The following PIK3C2G variants were observed in gnomAD, a reference collection of about 807,000 sequenced individuals.
The protein encoded by PIK3C2G is phosphatidylinositol 3-kinase C2 domain-containing subunit gamma.
A neutral mutation model predicts 181.1 loss-of-function variants in PIK3C2G; 168 were observed. That is an observed-to-expected ratio of 0.93 (90% CI 0.82 to 1.05). The LOEUF (loss-of-function observed/expected upper bound fraction) is 1.05, where lower values mean the gene tolerates loss of function less well. Among genes scored for constraint, PIK3C2G ranks in the 50% least tolerant of loss-of-function variants. The pLI, the probability that PIK3C2G is intolerant of heterozygous loss-of-function variation, is 0.00. For missense variants in PIK3C2G, 1,869 were observed against 1,732.8 expected (o/e 1.08, Z -1.40); for synonymous variants, 573 against 592.2 (o/e 0.97, Z 0.47).
At chr12:18,534,741 A>G (rs562065489) in intron 24 of PIK3C2G, among the ~76,000 whole-genome samples, 1 of 151,900 alleles carries the variant, frequency 6.6e-6, no homozygotes, top group East Asian at 1.9e-4. Flanking sequence ...TTAATTGGAG[A>G]AGACTAATAA....
intron 10 of PIK3C2G, among the ~76,000 whole-genome samples, chr12:18,345,392 A>G (rs1056177725): frequency 5.3e-5 from 8 of 152,204 alleles, no homozygotes; most frequent in Admixed American, 3.9e-4. Flanking sequence ...GCACAATTTA[A>G]GAAATATAAC....
Position 18,420,999 on chromosome 12 carries a change from G to A in PIK3C2G, c.2374G>A (p.Asp792Asn), listed in dbSNP as rs1945452110. 1 of 1,604,846 alleles carries A rather than the reference G, an allele frequency of 6.2e-7. No homozygotes were observed. Among genetic ancestry groups the A allele is most frequent in the Middle Eastern group, 1.7e-4 (1 of 6,040 alleles). The part of the protein sequence containing the change: ...AVQQLDNLLN[D>N]ELLEYLPQLV... ...TCAACAATTAGACAACCTCTTGAAT[G>A]ATGAACTACTGGAATATCTCCCACA... is the stretch of plus-strand genomic sequence containing the variant. Residue 792 changes from aspartate to asparagine, a missense_variant, in exon 17 of 33, where the codon GAT (aspartate) becomes AAT (asparagine). Transcript: ENST00000538779.
intron 31 of PIK3C2G, among the ~76,000 whole-genome samples, chr12:18,625,596 C>T (rs903904071): frequency 2.6e-5 from 4 of 151,744 alleles, no homozygotes; most frequent in Admixed American, 6.6e-5. Context: ...TATGGATGAT[C>T]TGTCCACTAG....
In PIK3C2G at chr12:18,536,597, A is replaced by G. The variant is rs555642407; in HGVS notation, c.3324-1559A>G. Among the ~76,000 whole-genome samples the G allele has an allele frequency of 5.3e-5, 8 of 152,224 alleles. No individual in the cohort carries two copies. The East Asian group carries it at 7.8e-4, about 15-fold the overall frequency. ...GTGCCACCCTCCCTATGTGTCAGGC[A>G]TTTATGTACATGTACATTTCCTAAG... On this transcript the variant is annotated intron_variant, in intron 24 of 32. Coordinates refer to ENST00000538779, the MANE Select transcript of PIK3C2G (RefSeq NM_001288772.2).
intron 24 of PIK3C2G, among the ~76,000 whole-genome samples, chr12:18,531,516 A>G (rs1943552840): frequency 1.3e-5 from 2 of 152,076 alleles, no homozygotes; most frequent in South Asian, 4.1e-4. Context: ...TTGTAGCCAC[A>G]TTCACTTCCC....
At chr12:18,505,189 A>T in intron 23 of PIK3C2G, 103 bp from the exon 24 acceptor site, 1 of 972,206 alleles carries the variant, frequency 1.0e-6, no homozygotes, top group Non-Finnish European at 1.5e-6. Flanking sequence ...TTTCCTGATT[A>T]TGTAATTTTG....
chr12:18,255,694 T>C (rs117693773), intron 1 of PIK3C2G, among the ~76,000 whole-genome samples: 7 of 152,294 alleles, frequency 4.6e-5, no homozygotes, highest in Non-Finnish European at 7.4e-5. Context: ...CCACATCTAG[T>C]TGAAAGAAAG....
intron 29 of PIK3C2G, among the ~76,000 whole-genome samples, chr12:18,592,996 G>A (rs988720228): frequency 2.0e-5 from 3 of 151,932 alleles, no homozygotes; most frequent in Non-Finnish European, 4.4e-5. Flanking sequence ...TGTCTGTAGG[G>A]TTGGTTCCTT....
chr12:18,339,717 T>G (rs1938942782), intron 9 of PIK3C2G, among the ~76,000 whole-genome samples: 1 of 152,154 alleles, frequency 6.6e-6, no homozygotes, highest in South Asian at 2.1e-4. Context: ...TTCTTAATGT[T>G]GGGCTTTCTA....
intron 26 of PIK3C2G, among the ~76,000 whole-genome samples, chr12:18,559,210 C>T (rs1301812114): frequency 6.6e-6 from 1 of 152,110 alleles, no homozygotes; most frequent in Non-Finnish European, 1.5e-5. Context: ...GCTAAAATGC[C>T]AAGTTTTTAA....
intron 5 of PIK3C2G, among the ~76,000 whole-genome samples, chr12:18,298,503 T>C (rs1950040966): frequency 6.6e-6 from 1 of 151,642 alleles, no homozygotes; most frequent in Non-Finnish European, 1.5e-5. Context: ...TTCAACAGAT[T>C]GTCTCTGTTG....
intron 11 of PIK3C2G, 91 bp from the exon 12 acceptor site, chr12:18,362,673 T>G: frequency 1.1e-6 from 1 of 906,698 alleles, no homozygotes; most frequent in East Asian, 2.9e-5. Flanking sequence ...ACTTTATCAT[T>G]TGACTTTTGA....
intron 24 of PIK3C2G, among the ~76,000 whole-genome samples, chr12:18,517,340 G>A (rs531874984): frequency 8.6e-5 from 13 of 152,000 alleles, no homozygotes; most frequent in Non-Finnish European, 1.2e-4. Context: ...AAATTAATAC[G>A]ATATTGATTC....
intron 31 of PIK3C2G, among the ~76,000 whole-genome samples, chr12:18,623,558 T>C (rs1374164451): frequency 6.6e-6 from 1 of 151,816 alleles, no homozygotes; most frequent in East Asian, 1.9e-4. Context: ...GATTCCTTTT[T>C]TTCTATATCT....
At chr12:18,683,911 T>C in the PIK3C2G span, among the ~76,000 whole-genome samples, 1 of 151,944 alleles carries the variant, frequency 6.6e-6, no homozygotes, top group Non-Finnish European at 1.5e-5. Context: ...CATGCCAAGT[T>C]TGTCTAATTA....
chr12:18,549,564 A>G (rs549257841), intron 26 of PIK3C2G, among the ~76,000 whole-genome samples: 12 of 152,142 alleles, frequency 7.9e-5, no homozygotes, highest in Admixed American at 5.9e-4. Flanking sequence ...AACGTTCTCT[A>G]TGCTCAAAAT....
intron 23 of PIK3C2G, 85 bp from the exon 24 acceptor site, chr12:18,505,207 T>C: frequency 8.5e-7 from 1 of 1,182,496 alleles, no homozygotes. Context: ...TTGCTTATCA[T>C]TTACTTTTTA....
chr12:18,698,356 C>A, the PIK3C2G span, among the ~76,000 whole-genome samples: 2 of 151,732 alleles, frequency 1.3e-5, no homozygotes, highest in Admixed American at 1.3e-4. Context: ...TATTATTTAA[C>A]TGTAGTCCAG....
chr12:18,696,097 T>G, the PIK3C2G span: 1 of 996,516 alleles, frequency 1.0e-6, no homozygotes, highest in African/African-American at 1.7e-5. Flanking sequence ...ATTCATAAAA[T>G]GAATTCATTT....
Sources: gnomAD v4.1 joint callset for allele counts (sites outside exome capture counted in the v4.1 genomes callset) on GRCh38, gnomAD v4.1.1 for gene constraint, MANE v1.5 for transcripts, NCBI Gene and HGNC (gene_info 2026-07-23, HGNC 2026-07-21) for gene names.